Variants in TBC1D4 observed in about 807,000 individuals in gnomAD.
TBC1D4 encodes TBC (Tre-2, BUB2, CDC16) domain-containing protein.
TBC1D4 carries 121 observed loss-of-function variants against 142.5 expected under a neutral mutation model. That is an observed-to-expected ratio of 0.85 (90% confidence interval 0.73 to 0.99). The LOEUF (loss-of-function observed/expected upper bound fraction) is 0.99. Among genes scored for constraint, TBC1D4 ranks in the 50% least tolerant of loss-of-function variants. The pLI is 0.00. For missense variants in TBC1D4, 1,475 were observed against 1,606.6 expected, an observed-to-expected ratio of 0.92 and a Z score of 1.40; for synonymous variants, 630 against 628.2, an observed-to-expected ratio of 1.00 and a Z score of -0.04.
chr13:75,358,532 G>A (rs1882246923), intron 3 of TBC1D4, among the ~76,000 whole-genome samples: 1 of 152,078 alleles, frequency 6.6e-6, no homozygotes, highest in Non-Finnish European at 1.5e-5. Flanking sequence ...TGTATTAGCT[G>A]AGACTGAGGC....
chr13:75,344,431 C>A (rs918211409), intron 5 of TBC1D4, among the ~76,000 whole-genome samples: 1 of 152,186 alleles, frequency 6.6e-6, no homozygotes, highest in South Asian at 2.1e-4. Flanking sequence ...TACATGCTCC[C>A]TCTTCCATGA....
intron 17 of TBC1D4, among the ~76,000 whole-genome samples, chr13:75,295,653 A>G (rs1357606092): frequency 1.3e-5 from 2 of 152,218 alleles, no homozygotes; most frequent in Non-Finnish European, 2.9e-5. Flanking sequence ...AGAAAAAATT[A>G]TTTCATTTGG....
intron 7 of TBC1D4, among the ~76,000 whole-genome samples, chr13:75,339,175 G>A (rs1223027759): frequency 1.3e-5 from 2 of 152,222 alleles, no homozygotes; most frequent in East Asian, 3.9e-4. Context: ...GGGAAGGGTC[G>A]CCATTATTCA....
rs1218646294 is a variant in TBC1D4, at chr13:75,284,589, A to C, written c.*2203T>G. ...TGTGCAGCCTGGTTCATAACAGGCC[A>C]CAGACAGGTACCCAGGGACCCCTGC... is the stretch of plus-strand genomic sequence containing the variant. On this transcript the variant is annotated 3_prime_UTR_variant, in exon 21 of 21. Transcript: ENST00000377636. The C allele has an allele frequency of 1.3e-5, 2 of 152,214 alleles. No individual in the cohort carries two copies. The allele number at this position is 152,214 out of a possible 1,614,324, so 9.4% of individuals were successfully genotyped here. A position where few individuals can be genotyped will look rare whatever the true frequency, so the allele number is the denominator to read the frequency against.
At chr13:75,350,927 C>A (rs1352341381) in intron 4 of TBC1D4, among the ~76,000 whole-genome samples, 1 of 152,038 alleles carries the variant, frequency 6.6e-6, no homozygotes, top group Non-Finnish European at 1.5e-5. Context: ...TCCCAAATGA[C>A]CTATAAATTC....
chr13:75,384,891 T>TC (rs55969527), intron 1 of TBC1D4, among the ~76,000 whole-genome samples: 1 of 152,210 alleles, frequency 6.6e-6, no homozygotes, highest in Admixed American at 6.5e-5. Flanking sequence ...TTTTAAATTT[T>TC]ATTGCCTTAT....
chr13:75,399,977 T>G (rs778434152), intron 1 of TBC1D4, among the ~76,000 whole-genome samples: 7 of 151,986 alleles, frequency 4.6e-5, no homozygotes, highest in Non-Finnish European at 7.4e-5. Flanking sequence ...AGCCAGCCCC[T>G]AGATGACACC....
intron 1 of TBC1D4, among the ~76,000 whole-genome samples, chr13:75,384,015 C>A (rs1884020005): frequency 6.6e-6 from 1 of 152,042 alleles, no homozygotes; most frequent in Admixed American, 6.6e-5. Context: ...AGGAGATATA[C>A]CTAATGTTAA....
At chr13:75,467,646 C>T (rs1206384392) in intron 1 of TBC1D4, among the ~76,000 whole-genome samples, 1 of 152,158 alleles carries the variant, frequency 6.6e-6, no homozygotes, top group Admixed American at 6.5e-5. Flanking sequence ...ACTATGGCCC[C>T]TGTTAGGTTT....
chr13:75,360,145 A>G, intron 2 of TBC1D4, among the ~76,000 whole-genome samples: 1 of 152,218 alleles, frequency 6.6e-6, no homozygotes, highest in East Asian at 1.9e-4. Flanking sequence ...TTTAAAAAAT[A>G]TGCAAACTTT....
intron 8 of TBC1D4, among the ~76,000 whole-genome samples, chr13:75,328,926 T>C (rs1406073475): frequency 6.6e-6 from 1 of 151,992 alleles, no homozygotes; most frequent in Non-Finnish European, 1.5e-5. Flanking sequence ...ATCAACCCCC[T>C]CTCTTGCACT....
rs542002627 is a variant in TBC1D4, at chr13:75,359,254, A to T, written c.1170+515T>A. On this transcript the variant is annotated intron_variant, in intron 3 of 20. Transcript: ENST00000377636. ...TGTACATAATTGGCTGTATTATTTT[A>T]AAAAACATTTAAATACACAGTTTGT... Among the ~76,000 whole-genome samples, 415 of 152,352 alleles carry T rather than the reference A, an allele frequency of 2.7e-3. 2 individuals carry two copies. Among genetic ancestry groups the T allele is most frequent in the African/African-American group, 9.2e-3 (384 of 41,584 alleles).
intron 18 of TBC1D4, among the ~76,000 whole-genome samples, chr13:75,294,001 T>C (rs1875613816): frequency 6.6e-6 from 1 of 152,208 alleles, no homozygotes; most frequent in Non-Finnish European, 1.5e-5. Flanking sequence ...CCATGTCTAC[T>C]AAATAGATTA....
intron 1 of TBC1D4, among the ~76,000 whole-genome samples, chr13:75,469,941 G>A (rs1317480635): frequency 6.6e-6 from 1 of 152,150 alleles, no homozygotes; most frequent in East Asian, 1.9e-4. Flanking sequence ...AAGAAAGTTT[G>A]GGTTCAGAGG....
At chr13:75,357,146 T>C (rs1401252928) in intron 3 of TBC1D4, among the ~76,000 whole-genome samples, 1 of 152,206 alleles carries the variant, frequency 6.6e-6, no homozygotes, top group Non-Finnish European at 1.5e-5. Flanking sequence ...AGTAATAGCA[T>C]CTACTGTCAG....
intron 1 of TBC1D4, among the ~76,000 whole-genome samples, chr13:75,465,281 A>G (rs1361116015): frequency 6.6e-6 from 1 of 152,200 alleles, no homozygotes; most frequent in Admixed American, 6.5e-5. Flanking sequence ...AAGATACATG[A>G]AGCAGTGAAT....
At chr13:75,365,718 G>T (rs1275554584) in intron 1 of TBC1D4, among the ~76,000 whole-genome samples, 1 of 152,036 alleles carries the variant, frequency 6.6e-6, no homozygotes, top group African/African-American at 2.4e-5. Flanking sequence ...TCTTTCTCCT[G>T]TACCATCGTA....
Position 75,481,785 on chromosome 13 carries a change from G to C in TBC1D4, c.-18C>G. 1 of 1,514,096 alleles carries C rather than the reference G, an allele frequency of 6.6e-7. No homozygotes were observed. The highest frequency in any genetic ancestry group is 8.8e-7 in the Non-Finnish European group (1 of 1,140,196). 93.8% of individuals were successfully genotyped at this position (1,514,096 alleles called of 1,614,324 possible). ...GGCTCCATAACTCTCGCCTCACCAGGGCACCGCGGAGGCCGGCCGGGCGCA... is the reference window on the plus strand; with the variant it reads ...GGCTCCATAACTCTCGCCTCACCAGCGCACCGCGGAGGCCGGCCGGGCGCA... On this transcript the variant is annotated 5_prime_UTR_variant, in exon 1 of 21. Transcript: ENST00000377636.
intron 1 of TBC1D4, among the ~76,000 whole-genome samples, chr13:75,432,875 G>C (rs1231681525): frequency 2.0e-5 from 3 of 150,978 alleles, no homozygotes; most frequent in African/African-American, 4.9e-5. Flanking sequence ...CCGGAAGGCA[G>C]AGCTTGCAGT....
Sources: gnomAD v4.1 joint callset for allele counts (sites outside exome capture counted in the v4.1 genomes callset) on GRCh38, gnomAD v4.1.1 for gene constraint, MANE v1.5 for transcripts, NCBI Gene and HGNC (gene_info 2026-07-23, HGNC 2026-07-21) for gene names.